PARVA: variants seen among roughly 807,000 people sequenced by gnomAD.
PARVA encodes alpha-parvin.
Under a neutral mutation model 52.6 loss-of-function variants are expected in PARVA, and 25 were observed. That is an observed-to-expected ratio of 0.48 (90% confidence interval 0.35 to 0.66). PARVA has a LOEUF of 0.66. PARVA is among the 30% of genes least tolerant of loss of function. PARVA has a pLI of 0.01. For synonymous variants in PARVA, 185 were observed against 179.1 expected (o/e 1.03, Z -0.26); for missense variants, 373 against 450.9 (o/e 0.83, Z 1.56).
At chr11:12,378,261 G>A (rs1440129736) in intron 1 of PARVA, among the ~76,000 whole-genome samples, 1 of 152,194 alleles carries the variant, frequency 6.6e-6, no homozygotes, top group Non-Finnish European at 1.5e-5. Context: ...AAATCAGGTC[G>A]TTTCCTGGAC....
At position 12,527,964 on chromosome 11, in the gene PARVA, C is replaced by G. The variant is rs556076481; in HGVS notation, c.*39C>G. 6.8e-7 allele frequency: 1 copy of G among 1,464,410 alleles called. No homozygotes were observed. Among genetic ancestry groups the G allele is most frequent in the African/African-American group, 1.4e-5 (1 of 72,020 alleles). 90.7% of individuals were successfully genotyped at this position (1,464,410 alleles called of 1,614,324 possible). A position where few individuals can be genotyped will look rare whatever the true frequency, so the allele number is the denominator to read the frequency against. On this transcript the variant is annotated 3_prime_UTR_variant, in exon 13 of 13. Coordinates refer to ENST00000334956, the MANE Select transcript of PARVA (RefSeq NM_018222.5). ...GCCCACCACTGCCCAAGAGTTCTTG[C>G]TGTTGGCGTACTGGACCCTCCTCCG... is the stretch of plus-strand genomic sequence containing the variant.
At chr11:12,453,506 A>G (rs1940652303) in intron 1 of PARVA, among the ~76,000 whole-genome samples, 1 of 152,164 alleles carries the variant, frequency 6.6e-6, no homozygotes, top group Admixed American at 6.5e-5. Context: ...TGACGGTAAT[A>G]GGAAAAGTAC....
At position 12,534,711 on chromosome 11, in the gene PARVA, G is replaced by A. The variant is rs1411849142; in HGVS notation, c.*6786G>A. Reference sequence around the variant, plus strand: ...TAGATAAATATTTAATCTGTTACATGTTTGCTCTGTGTGGAGCCAGGGTTG... The same window carrying A: ...TAGATAAATATTTAATCTGTTACATATTTGCTCTGTGTGGAGCCAGGGTTG... On this transcript the variant is annotated 3_prime_UTR_variant, in exon 13 of 13. Transcript: ENST00000334956. Among the ~76,000 whole-genome samples the A allele has an allele frequency of 6.6e-6, 1 of 152,172 alleles. No homozygotes were observed. Among genetic ancestry groups the A allele is most frequent in the Non-Finnish European group, 1.5e-5 (1 of 68,032 alleles).
intron 1 of PARVA, among the ~76,000 whole-genome samples, chr11:12,431,440 T>C (rs778916115): frequency 6.6e-6 from 1 of 152,104 alleles, no homozygotes; most frequent in Non-Finnish European, 1.5e-5. Flanking sequence ...TGATTTTTGG[T>C]TTTTCAATAG....
intron 1 of PARVA, among the ~76,000 whole-genome samples, chr11:12,391,433 A>G (rs935204751): frequency 1.3e-5 from 2 of 152,168 alleles, no homozygotes; most frequent in African/African-American, 4.8e-5. Flanking sequence ...CCAGCTACCT[A>G]GCCCTTTCAG....
chr11:12,511,976 A>ATG (rs1941508486), intron 8 of PARVA, among the ~76,000 whole-genome samples: 1 of 152,220 alleles, frequency 6.6e-6, no homozygotes, highest in African/African-American at 2.4e-5. Context: ...AACAATCAAA[A>ATG]AGAACCAAAA....
chr11:12,486,492 C>G (rs1941160293), intron 4 of PARVA, among the ~76,000 whole-genome samples: 1 of 151,968 alleles, frequency 6.6e-6, no homozygotes, highest in African/African-American at 2.4e-5. Flanking sequence ...GAGATCACAT[C>G]ACTGTACTCC....
chr11:12,508,101 A>T (rs1015300268), intron 6 of PARVA, among the ~76,000 whole-genome samples: 1 of 91,996 alleles, frequency 1.1e-5, no homozygotes, highest in Non-Finnish European at 2.1e-5. Context: ...TTATCAGTTA[A>T]AAAAAAAAAA....
chr11:12,479,152 GC>G (rs1941052178), intron 4 of PARVA: 1 of 152,134 alleles, frequency 6.6e-6, no homozygotes, highest in Admixed American at 6.5e-5. Context: ...ATATTAACAT[GC>G]CTGTACCTTT....
intron 5 of PARVA, among the ~76,000 whole-genome samples, chr11:12,503,072 T>C (rs150532491): frequency 1.4e-4 from 22 of 152,262 alleles, no homozygotes; most frequent in Non-Finnish European, 2.6e-4. Flanking sequence ...CCCTGCCTTC[T>C]CTGGTGTAAA....
intron 4 of PARVA, 69 bp downstream of exon 4, chr11:12,478,018 A>G (rs763459359): frequency 4.7e-6 from 4 of 854,058 alleles, no homozygotes; most frequent in Non-Finnish European, 8.2e-6. Flanking sequence ...ACTTGTAGCT[A>G]GAAGGAGTTA....
intron 11 of PARVA, 144 bp from the exon 12 acceptor site, chr11:12,518,301 C>T (rs550219645): frequency 7.6e-6 from 5 of 654,782 alleles, no homozygotes; most frequent in African/African-American, 5.5e-5. Context: ...GGTGGCCTGC[C>T]CATTTTGGTA....
intron 1 of PARVA, among the ~76,000 whole-genome samples, chr11:12,466,890 A>G (rs902069324): frequency 6.6e-6 from 1 of 152,178 alleles, no homozygotes; most frequent in African/African-American, 2.4e-5. Flanking sequence ...CTTTTTGTGT[A>G]AACTTTAGAA....
At chr11:12,442,076 C>G (rs1236280049) in intron 1 of PARVA, among the ~76,000 whole-genome samples, 2 of 152,220 alleles carry the variant, frequency 1.3e-5, no homozygotes, top group African/African-American at 4.8e-5. Flanking sequence ...CCAAACTTTA[C>G]TTGATGCGTG....
intron 1 of PARVA, among the ~76,000 whole-genome samples, chr11:12,384,768 A>C (rs1013432183): frequency 4.6e-5 from 7 of 152,158 alleles, no homozygotes; most frequent in African/African-American, 1.7e-4. Flanking sequence ...AAGGAGGTTG[A>C]TGTGACTGGA....
At chr11:12,496,330 G>C in intron 4 of PARVA, 128 bp from the exon 5 acceptor site, 2 of 944,670 alleles carry the variant, frequency 2.1e-6, no homozygotes, top group Non-Finnish European at 3.1e-6. Flanking sequence ...TAGGCATCCA[G>C]TATCTATTGT....
At chr11:12,379,601 T>A (rs1285515384) in intron 1 of PARVA, among the ~76,000 whole-genome samples, 2 of 151,712 alleles carry the variant, frequency 1.3e-5, no homozygotes, top group Admixed American at 1.3e-4. Context: ...GATTGCTCCA[T>A]GAATTAGAAA....
chr11:12,528,025 T>C lies in PARVA; in HGVS notation c.*100T>C. 1 of 831,510 alleles carries C rather than the reference T, an allele frequency of 1.2e-6. No homozygotes were observed. The highest frequency in any genetic ancestry group is 2.1e-6 in the Non-Finnish European group (1 of 477,440). 51.5% of individuals were successfully genotyped at this position (831,510 alleles called of 1,614,324 possible). Reference sequence around the variant, plus strand: ...CCCTGCTTATTCCTGTCTCTTGCACTGTGCTCTCCCACAAGTCCAGCTGCA... The same window carrying C: ...CCCTGCTTATTCCTGTCTCTTGCACCGTGCTCTCCCACAAGTCCAGCTGCA... On this transcript the variant is annotated 3_prime_UTR_variant, in exon 13 of 13. Transcript: ENST00000334956.
At chr11:12,379,088 G>A (rs114668042) in intron 1 of PARVA, among the ~76,000 whole-genome samples, 4,037 of 152,286 alleles carry the variant, frequency 0.027, 187 homozygotes, top group African/African-American at 0.091. Context: ...GGTAACTTCC[G>A]GACGTTGCCG....
Sources: gnomAD v4.1 joint callset for allele counts (sites outside exome capture counted in the v4.1 genomes callset) on GRCh38, gnomAD v4.1.1 for gene constraint, MANE v1.5 for transcripts, NCBI Gene and HGNC (gene_info 2026-07-23, HGNC 2026-07-21) for gene names.